The following EPB42 variants were observed in gnomAD, a reference collection of about 807,000 sequenced individuals.
The protein encoded by EPB42 is erythrocyte membrane protein band 4.2, also known as protein 4.2.
A neutral mutation model predicts 76.9 loss-of-function variants in EPB42; 49 were observed. The observed-to-expected ratio is 0.64, with a 90% CI of 0.51 to 0.81. The LOEUF is 0.81. EPB42 is among the 30% of genes least tolerant of loss of function. The pLI, the probability that EPB42 is intolerant of heterozygous loss-of-function variation, is 0.00. For missense variants in EPB42, 731 were observed against 867.6 expected (o/e 0.84, Z 1.98); for synonymous variants, 310 against 338.4 (o/e 0.92, Z 0.92).
At position 43,207,372 on chromosome 15, in the gene EPB42, A is replaced by G. The variant is rs1304758936; in HGVS notation, c.1145T>C (p.Val382Ala). ...KEGTLGLTPAVSDLFAAINAS... is the reference protein window; with the variant it reads ...KEGTLGLTPAASDLFAAINAS... ...ATTTATGGCAGCAAAAAGGTCTGAC[A>G]CTGCTGGGGTCAGCCCCAGCGTCCC... is the stretch of plus-strand genomic sequence containing the variant. Residue 382 changes from valine (V) to alanine (A), a missense_variant, in exon 9 of 13, where the codon GTG becomes GCG. Physicochemically the swap from Val to Ala is moderately conservative, Grantham distance 64 (BLOSUM62 0). Transcript: ENST00000441366. The G allele has an allele frequency of 4.3e-6, 7 of 1,614,086 alleles. No individual in the cohort carries two copies. Among genetic ancestry groups the G allele is most frequent in the Non-Finnish European group, 5.9e-6 (7 of 1,180,038 alleles).
chr15:43,208,145 G>T, intron 8 of EPB42, 85 bp downstream of exon 8: 1 of 1,224,938 alleles, frequency 8.2e-7, no homozygotes, highest in Non-Finnish European at 1.2e-6. Context: ...GACCCCCTTG[G>T]GACTGCCTGC....
rs762194931 is a variant in EPB42 at position 43,203,151 on chromosome 15, T to G, written c.1743A>C (p.Glu581Asp). The change falls in exon 11 of 13, where the codon GAA becomes GAC. Residue 581 changes from glutamate to aspartate, a missense_variant. Transcript: ENST00000441366. Reference sequence around the variant, plus strand: ...GGTGTGGTCTACAAATGGCAATGTCTTCCTGAGCAAAGCAGCTAAGGTTGG... The same window carrying G: ...GGTGTGGTCTACAAATGGCAATGTCGTCCTGAGCAAAGCAGCTAAGGTTGG... ...SESNLSCFAQ[E>D]DIAICRPHLA... The G allele has an allele frequency of 4.3e-6, 7 of 1,614,132 alleles. No homozygotes were observed. Among genetic ancestry groups the G allele is most frequent in the Non-Finnish European group, 5.9e-6 (7 of 1,180,026 alleles).
rs752892136 is a variant in EPB42, at chr15:43,210,358, C to T, written c.631G>A (p.Val211Met). 7.4e-6 allele frequency: 12 copies of T among 1,613,598 alleles called. No homozygotes were observed. Among genetic ancestry groups the T allele is most frequent in the East Asian group, 4.5e-5 (2 of 44,894 alleles). Residue 211 changes from valine (V) to methionine (M), a missense_variant, in exon 5 of 13, where the codon GTG becomes ATG. Transcript: ENST00000441366. ...QVEKWSQPVHVARVLGALLHF... is the reference protein window; with the variant it reads ...QVEKWSQPVHMARVLGALLHF... ...ACCAAGGCACCCAACACACGGGCCA[C>T]GTGCACCGGCTGGCTCCACTTCTCT...
At chr15:43,213,634 C>G (rs1321737018) in intron 3 of EPB42, among the ~76,000 whole-genome samples, 1 of 152,210 alleles carries the variant, frequency 6.6e-6, no homozygotes, top group Non-Finnish European at 1.5e-5. Flanking sequence ...TCAGGGTGAT[C>G]TGGGGGTACA....
intron 10 of EPB42, among the ~76,000 whole-genome samples, chr15:43,204,854 A>T (rs1366147645): frequency 6.6e-6 from 1 of 151,976 alleles, no homozygotes; most frequent in African/African-American, 2.4e-5. Context: ...CCACACCCCA[A>T]ATCAGTTACA....
intron 2 of EPB42, 54 bp from the exon 3 acceptor site, chr15:43,215,382 A>T (rs547154618): frequency 5.1e-6 from 8 of 1,568,314 alleles, no homozygotes; most frequent in Middle Eastern, 3.3e-4. Context: ...CACAACTCAG[A>T]GTAATAAGGT....
Position 43,220,941 on chromosome 15 carries a change from T to C in EPB42, c.-116A>G, listed in dbSNP as rs1596424868. 1 of 939,528 alleles carries C rather than the reference T, an allele frequency of 1.1e-6. No individual in the cohort carries two copies. 58.2% of individuals were successfully genotyped at this position (939,528 alleles called of 1,614,324 possible). On this transcript the variant is annotated 5_prime_UTR_variant, in exon 1 of 13. Transcript: ENST00000441366. ...CAGACAGAAAATATGAAGGCACTTT[T>C]GTTGGCTTAAGAATCTGGAAATAGC...
At chr15:43,218,401 A>G (rs2042410040) in intron 1 of EPB42, among the ~76,000 whole-genome samples, 1 of 152,094 alleles carries the variant, frequency 6.6e-6, no homozygotes, top group African/African-American at 2.4e-5. Context: ...ATGTCTACTC[A>G]TCTTCCAAGA....
intron 1 of EPB42, among the ~76,000 whole-genome samples, chr15:43,217,245 G>C (rs946009232): frequency 2.0e-5 from 3 of 152,052 alleles, no homozygotes; most frequent in African/African-American, 7.3e-5. Flanking sequence ...AAAGTGTGTA[G>C]CACCTCCTCC....
chr15:43,200,121 T>C (rs1028891110), intron 12 of EPB42, among the ~76,000 whole-genome samples: 1 of 152,196 alleles, frequency 6.6e-6, no homozygotes, highest in African/African-American at 2.4e-5. Flanking sequence ...CAGGTGGTGT[T>C]TGGAGCCTTG....
At chr15:43,219,279 G>C (rs1228030862) in intron 1 of EPB42, among the ~76,000 whole-genome samples, 1 of 152,206 alleles carries the variant, frequency 6.6e-6, no homozygotes, top group Non-Finnish European at 1.5e-5. Context: ...AGGTAAAAAG[G>C]AGTAAAATAC....
At chr15:43,202,135 T>G (rs547980910) in intron 11 of EPB42, among the ~76,000 whole-genome samples, 158 bp from the exon 12 acceptor site, 32 of 152,306 alleles carry the variant, frequency 2.1e-4, no homozygotes, top group African/African-American at 7.5e-4. Flanking sequence ...TACCTGCTCT[T>G]CCTGCATTTA....
At chr15:43,223,409 C>G (rs2042479940), upstream of EPB42, among the ~76,000 whole-genome samples, 1 of 151,892 alleles carries the variant, frequency 6.6e-6, no homozygotes, top group Non-Finnish European at 1.5e-5. Flanking sequence ...TAAAAGATGC[C>G]TATAAATCAA....
At position 43,211,532 on chromosome 15, in the gene EPB42, C is replaced by G. The variant is rs143682977; in HGVS notation, c.433G>C (p.Asp145His). 1 of 1,610,020 alleles carries G rather than the reference C, an allele frequency of 6.2e-7. No homozygotes were observed. The highest frequency in any genetic ancestry group is 8.5e-7 in the Non-Finnish European group (1 of 1,176,374). Residue 145 changes from aspartate (D) to histidine (H), a missense_variant and splice_region_variant, in exon 4 of 13, where the codon GAT becomes CAT. Coordinates refer to ENST00000441366, the MANE Select transcript of EPB42 (RefSeq NM_001114134.2). ...TLLFNPWNRE[D>H]AVFLKNEAQR... ...GCCTCATTCTTCAGGAACACAGCAT[C>G]CTCTGGTGAGAGGTGGGTAGGGATG...
rs1327537414 is a variant in EPB42, at chr15:43,207,493, C to A, written c.1076-52G>T. ...TGGGAGCTGCGCCTAGACCTCTGCT[C>A]AGTTCAGAACTGCGTAACCTCAGTC... On this transcript the variant is annotated intron_variant, in intron 8 of 12. Coordinates refer to ENST00000441366, the MANE Select transcript of EPB42 (RefSeq NM_001114134.2). 4.4e-6 allele frequency: 7 copies of A among 1,606,518 alleles called. No homozygotes were observed. In the African/African-American group the frequency reaches 8.0e-5, roughly 18 times the overall value.
chr15:43,220,655 C>T lies in EPB42; in HGVS notation c.10+161G>A. 3 of 999,082 alleles carry T rather than the reference C, an allele frequency of 3.0e-6. No homozygotes were observed. The South Asian group carries it at 4.0e-5, about 13-fold the overall frequency. 61.9% of individuals were successfully genotyped at this position (999,082 alleles called of 1,614,324 possible). A position where few individuals can be genotyped will look rare whatever the true frequency, so the allele number is the denominator to read the frequency against. On this transcript the variant is annotated intron_variant, in intron 1 of 12. Coordinates refer to ENST00000441366, the MANE Select transcript of EPB42 (RefSeq NM_001114134.2). ...ACCAGCACCCACCTACCACACCCCC[C>T]CCCCACAGCCACCTCATTATCACCA...
Position 43,216,248 on chromosome 15 carries a change from T to TCTAG in EPB42, c.196+16_196+19dup. 1 of 1,612,792 alleles carries TCTAG rather than the reference T, an allele frequency of 6.2e-7. No individual in the cohort carries two copies. Among genetic ancestry groups the TCTAG allele is most frequent in the South Asian group, 1.1e-5 (1 of 91,018 alleles). On this transcript the variant is annotated intron_variant, in intron 2 of 12. Transcript: ENST00000441366. The stretch of plus-strand genomic sequence containing the variant: ...CCCCCCAGGCCTGCTGCCAAAGGAG[T>TCTAG]CTAGGCCTGACTCACTAACCAGTTT...
chr15:43,207,999 C>T (rs943692748), intron 8 of EPB42, among the ~76,000 whole-genome samples: 1 of 152,222 alleles, frequency 6.6e-6, no homozygotes, highest in Non-Finnish European at 1.5e-5. Flanking sequence ...TCACCCACAG[C>T]TCTAAGGTGC....
In EPB42 at chr15:43,208,721, T is replaced by A. The variant is rs763375062; in HGVS notation, c.887A>T (p.Gln296Leu). The A allele has an allele frequency of 6.2e-7, 1 of 1,614,192 alleles. No individual in the cohort carries two copies. The highest frequency in any genetic ancestry group is 1.1e-5 in the South Asian group (1 of 91,076). ...ARVVTTFASA[Q>L]GTGGRLLIDE... ...TATGAGAAGACGCCCACCGGTGCCC[T>A]GTGCTGAGGCAAACGTGGTCACCAC... The change falls in exon 7 of 13, where the codon CAG becomes CTG. Residue 296 changes from glutamine (Q) to leucine (L), a missense_variant. Coordinates refer to ENST00000441366, the MANE Select transcript of EPB42 (RefSeq NM_001114134.2).
Sources: gnomAD v4.1 joint callset for allele counts (sites outside exome capture counted in the v4.1 genomes callset) on GRCh38, gnomAD v4.1.1 for gene constraint, MANE v1.5 for transcripts, NCBI Gene and HGNC (gene_info 2026-07-23, HGNC 2026-07-21) for gene names.